The following CDC16 variants were observed in gnomAD, a reference collection of about 807,000 sequenced individuals.
The protein encoded by CDC16 is cell division cycle protein 16 homolog.
In CDC16, 34 loss-of-function variants were observed where a neutral mutation model predicts 87.0. The observed-to-expected ratio is 0.39, with a 90% confidence interval of 0.30 to 0.52. CDC16 has a LOEUF of 0.52. Among genes scored for constraint, CDC16 ranks in the 20% least tolerant of loss-of-function variants. The pLI is 0.74. For missense variants in CDC16, 653 were observed against 751.9 expected (o/e 0.87, Z 1.54); for synonymous variants, 263 against 260.6 (o/e 1.01, Z -0.09).
chr13:114,267,763 T>C (rs2083330466), intron 17 of CDC16, among the ~76,000 whole-genome samples: 1 of 152,150 alleles, frequency 6.6e-6, no homozygotes, highest in South Asian at 2.1e-4. Flanking sequence ...AACACTGCCT[T>C]TGGGAGTCCT....
intron 14 of CDC16, among the ~76,000 whole-genome samples, chr13:114,261,257 T>C (rs2082845551): frequency 6.6e-6 from 1 of 151,992 alleles, no homozygotes; most frequent in South Asian, 2.1e-4. Flanking sequence ...ATGAAAGAGT[T>C]TGTGCCTTAT....
intron 12 of CDC16, among the ~76,000 whole-genome samples, chr13:114,256,066 T>C (rs2082479212): frequency 6.6e-6 from 1 of 152,234 alleles, no homozygotes; most frequent in South Asian, 2.1e-4. Flanking sequence ...CTGCTTGTTT[T>C]TAAGGTTAAT....
At chr13:114,271,173 G>C in intron 17 of CDC16, among the ~76,000 whole-genome samples, 2 of 151,888 alleles carry the variant, frequency 1.3e-5, no homozygotes, top group East Asian at 3.9e-4. Flanking sequence ...CACCCGCCTC[G>C]GCCTCCCAAA....
At chr13:114,238,031 G>A (rs17291048) in intron 3 of CDC16, among the ~76,000 whole-genome samples, 21,444 of 151,986 alleles carry the variant, frequency 0.14, 2,069 homozygotes, top group Non-Finnish European at 0.2. Context: ...CCTGGAGCAC[G>A]TGCTCCAGTC....
At chr13:114,244,635 T>A (rs1283915173) in intron 8 of CDC16, 1 of 300,952 alleles carries the variant, frequency 3.3e-6, no homozygotes, top group Non-Finnish European at 6.1e-6. Context: ...GTATTACAAT[T>A]CTGTTGACTT....
At chr13:114,252,190 A>G (rs892514184) in intron 12 of CDC16, among the ~76,000 whole-genome samples, 7 of 148,872 alleles carry the variant, frequency 4.7e-5, no homozygotes, top group East Asian at 4.2e-4. Flanking sequence ...GCCCTACACT[A>G]GCCCTGTTGG....
At chr13:114,240,178 A>G (rs1164265723) in intron 5 of CDC16, among the ~76,000 whole-genome samples, 2 of 152,008 alleles carry the variant, frequency 1.3e-5, no homozygotes, top group African/African-American at 4.8e-5. Context: ...TGTAAGCCTT[A>G]CCTGACCTAC....
chr13:114,242,933 T>C (rs2081629889), intron 6 of CDC16, among the ~76,000 whole-genome samples: 1 of 152,150 alleles, frequency 6.6e-6, no homozygotes, highest in Non-Finnish European at 1.5e-5. Context: ...GAGGTCCTGC[T>C]TAGCACCTGC....
Position 114,246,063 on chromosome 13 carries a change from C to G in CDC16, c.897+14C>G, listed in dbSNP as rs749479640. 4 of 1,248,458 alleles carry G rather than the reference C, an allele frequency of 3.2e-6. No homozygotes were observed. The highest frequency in any genetic ancestry group is 4.5e-6 in the Non-Finnish European group (4 of 889,298). The allele number at this position is 1,248,458 out of a possible 1,614,324, so 77.3% of individuals were successfully genotyped here. Reference sequence around the variant, plus strand: ...CCTAGTAATCCTGTAAGTAATATAACTTTTAGTCTTAGTTTTTTTTTTTTT... The same window carrying G: ...CCTAGTAATCCTGTAAGTAATATAAGTTTTAGTCTTAGTTTTTTTTTTTTT... On this transcript the variant is annotated intron_variant, in intron 10 of 17. Coordinates refer to ENST00000356221, the MANE Select transcript of CDC16 (RefSeq NM_001078645.3).
At chr13:114,239,075 T>C (rs757791625) in intron 4 of CDC16, 47 bp downstream of exon 4, 67 of 1,591,884 alleles carry the variant, frequency 4.2e-5, no homozygotes, top group Non-Finnish European at 5.5e-5. Context: ...ATAAAATGAG[T>C]GTTATGCATC....
At chr13:114,251,188 A>G (rs893508451) in intron 12 of CDC16, among the ~76,000 whole-genome samples, 6 of 152,046 alleles carry the variant, frequency 3.9e-5, no homozygotes, top group Non-Finnish European at 7.4e-5. Flanking sequence ...GTTTGTGTGG[A>G]CTGCTTCTAT....
rs897900199 is a variant in CDC16 at position 114,266,971 on chromosome 13, C to G, written c.1603+1731C>G. ...TCGGCCTCCCAAAGTGCTGGGATTA[C>G]AGGCGTGAGCCACCATGTCTGGCCA... On this transcript the variant is annotated intron_variant, in intron 17 of 17. Transcript: ENST00000356221. Among the ~76,000 whole-genome samples the G allele has an allele frequency of 9.2e-5, 14 of 151,888 alleles. No homozygotes were observed. In the South Asian group the frequency reaches 2.5e-3, roughly 27 times the overall value.
chr13:114,251,923 CCT>C (rs879601843), intron 12 of CDC16, among the ~76,000 whole-genome samples: 2 of 151,978 alleles, frequency 1.3e-5, no homozygotes, highest in East Asian at 1.9e-4. Flanking sequence ...TTACACTAGC[CCT>C]GTTGGATAAG....
chr13:114,254,995 A>G (rs1217203110), intron 12 of CDC16, among the ~76,000 whole-genome samples: 1 of 152,214 alleles, frequency 6.6e-6, no homozygotes, highest in East Asian at 1.9e-4. Flanking sequence ...ATTGCTTACT[A>G]TTGATAATAA....
chr13:114,238,356 C>T (rs529584158), intron 3 of CDC16, among the ~76,000 whole-genome samples: 1 of 147,346 alleles, frequency 6.8e-6, no homozygotes, highest in African/African-American at 2.6e-5. Flanking sequence ...TCCTCGGATG[C>T]CCAGCAGTTA....
At chr13:114,265,262 T>C (rs2083128235) in intron 17 of CDC16, 22 bp downstream of exon 17, 6 of 1,453,634 alleles carry the variant, frequency 4.1e-6, no homozygotes, top group African/African-American at 1.4e-5. Flanking sequence ...GTTATTCTTA[T>C]TGGTATTGTA....
rs2081165946 is a variant in CDC16 at position 114,234,984 on chromosome 13, G to GGCGGCGGCGGCC, written c.-96_-95insGGCGGCCGCGGC. On this transcript the variant is annotated 5_prime_UTR_variant, in exon 1 of 18. Coordinates refer to ENST00000356221, the MANE Select transcript of CDC16 (RefSeq NM_001078645.3). ...GGCCTTCGAGTCCTGGGGCGGCGGC[G>GGCGGCGGCGGCC]GCGGCTGCAGGCACGGGCACGGGCA... 1 of 967,886 alleles carries GGCGGCGGCGGCC rather than the reference G, an allele frequency of 1.0e-6. No homozygotes were observed. Among genetic ancestry groups the GGCGGCGGCGGCC allele is most frequent in the African/African-American group, 1.8e-5 (1 of 56,776 alleles). The allele number at this position is 967,886 out of a possible 1,614,324, so 60.0% of individuals were successfully genotyped here.
At chr13:114,270,807 T>C (rs2083570135) in intron 17 of CDC16, among the ~76,000 whole-genome samples, 1 of 152,226 alleles carries the variant, frequency 6.6e-6, no homozygotes, top group South Asian at 2.1e-4. Context: ...TGAGCCTTAG[T>C]TTCCTCATTT....
At chr13:114,251,308 A>G (rs1474443977) in intron 12 of CDC16, among the ~76,000 whole-genome samples, 1 of 152,216 alleles carries the variant, frequency 6.6e-6, no homozygotes, top group Non-Finnish European at 1.5e-5. Context: ...ACTCCCAGCC[A>G]TGTGACGTTG....
Sources: allele counts gnomAD v4.1 joint callset (sites outside exome capture counted in the v4.1 genomes callset), GRCh38; gene constraint gnomAD v4.1.1; transcripts MANE v1.5; gene names NCBI Gene and HGNC (gene_info 2026-07-23, HGNC 2026-07-21).